The following KCNB2 variants were observed in gnomAD, a reference collection of about 807,000 sequenced individuals.
KCNB2 encodes delayed rectifier potassium channel protein.
In KCNB2, 15 loss-of-function variants were observed where a neutral mutation model predicts 61.5. The ratio of observed to expected loss-of-function variants is 0.24; its 90% confidence interval spans 0.16 to 0.38. The LOEUF is 0.38. Among genes scored for constraint, KCNB2 ranks in the 10% least tolerant of loss-of-function variants. KCNB2 has a pLI of 1.00. For synonymous variants in KCNB2, 457 were observed against 446.0 expected (o/e 1.02, Z -0.31); for missense variants, 828 against 1,125.2 (o/e 0.74, Z 3.78).
At chr8:72,822,594 G>A (rs977199382) in intron 2 of KCNB2, among the ~76,000 whole-genome samples, 21 of 152,024 alleles carry the variant, frequency 1.4e-4, no homozygotes, top group African/African-American at 3.1e-4. Context: ...CTTACCTCTC[G>A]CCACCCTGGC....
At chr8:72,723,160 T>C (rs1037054405) in intron 2 of KCNB2, among the ~76,000 whole-genome samples, 1 of 152,210 alleles carries the variant, frequency 6.6e-6, no homozygotes, top group African/African-American at 2.4e-5. Flanking sequence ...ATGAAATGAT[T>C]AGTTAATTAA....
chr8:72,586,671 A>T (rs917481746), intron 2 of KCNB2, among the ~76,000 whole-genome samples: 7 of 152,352 alleles, frequency 4.6e-5, no homozygotes, highest in Admixed American at 3.3e-4. Flanking sequence ...TTTGAGGATG[A>T]AAAACTAAAG....
chr8:72,546,471 T>C (rs1270596571), intron 1 of KCNB2, among the ~76,000 whole-genome samples: 31 of 150,856 alleles, frequency 2.1e-4, no homozygotes, highest in African/African-American at 7.6e-4. Context: ...GAGCCGAGAT[T>C]GCACCACTGC....
intron 2 of KCNB2, among the ~76,000 whole-genome samples, chr8:72,901,673 A>G (rs1382122212): frequency 1.3e-5 from 2 of 152,190 alleles, no homozygotes; most frequent in African/African-American, 2.4e-5. Context: ...TGCTAGAATT[A>G]ATAGGCTTGT....
intron 2 of KCNB2, among the ~76,000 whole-genome samples, chr8:72,626,238 C>T (rs545922171): frequency 3.7e-4 from 57 of 152,260 alleles, no homozygotes; most frequent in Non-Finnish European, 5.0e-4. Flanking sequence ...CCACAGAATG[C>T]CCAGAATACA....
At chr8:72,702,568 G>C (rs1290100485) in intron 2 of KCNB2, among the ~76,000 whole-genome samples, 2 of 152,162 alleles carry the variant, frequency 1.3e-5, no homozygotes, top group African/African-American at 4.8e-5. Context: ...TTGGAAAGGA[G>C]GGGAGGGCTG....
At chr8:72,660,945 T>C (rs546402096) in intron 2 of KCNB2, 1 of 152,358 alleles carries the variant, frequency 6.6e-6, no homozygotes, top group South Asian at 2.1e-4. Flanking sequence ...CTTTAAGATT[T>C]CTAATTTGAT....
At chr8:72,708,099 C>T (rs1320220226) in intron 2 of KCNB2, among the ~76,000 whole-genome samples, 1 of 152,188 alleles carries the variant, frequency 6.6e-6, no homozygotes, top group Non-Finnish European at 1.5e-5. Flanking sequence ...CAGCCAGTCT[C>T]TCCCCAGCAC....
intron 2 of KCNB2, chr8:72,618,996 T>G (rs1268735926): frequency 3.0e-6 from 1 of 328,202 alleles, no homozygotes; most frequent in South Asian, 2.8e-5. Flanking sequence ...CTCCACTGAC[T>G]TTGTTTTTAG....
intron 2 of KCNB2, among the ~76,000 whole-genome samples, chr8:72,862,782 A>T (rs1387518547): frequency 6.6e-6 from 1 of 152,214 alleles, no homozygotes; most frequent in South Asian, 2.1e-4. Context: ...TTACTTCTCA[A>T]TCCGAAGGCT....
chr8:72,919,628 A>G (rs563544633), intron 2 of KCNB2, among the ~76,000 whole-genome samples: 3 of 152,318 alleles, frequency 2.0e-5, no homozygotes, highest in African/African-American at 7.2e-5. Context: ...GAGTGACCAT[A>G]TGTAGGTCTA....
intron 2 of KCNB2, among the ~76,000 whole-genome samples, chr8:72,569,566 C>T (rs991124713): frequency 4.6e-5 from 7 of 151,850 alleles, no homozygotes; most frequent in African/African-American, 1.2e-4. Context: ...ATGCATATTT[C>T]GTGGGAAATA....
chr8:72,843,185 C>T (rs539338196), intron 2 of KCNB2, among the ~76,000 whole-genome samples: 71 of 152,196 alleles, frequency 4.7e-4, no homozygotes, highest in Admixed American at 5.9e-4. Flanking sequence ...GCCTTAATTT[C>T]GTTATTTACC....
chr8:72,678,384 C>A (rs893161966), intron 2 of KCNB2, among the ~76,000 whole-genome samples: 6 of 152,186 alleles, frequency 3.9e-5, no homozygotes, highest in African/African-American at 1.4e-4. Flanking sequence ...CTCATAGAGT[C>A]CTGCAGGGTC....
At chr8:72,758,624 CT>C (rs1808330660) in intron 2 of KCNB2, among the ~76,000 whole-genome samples, 1 of 152,146 alleles carries the variant, frequency 6.6e-6, no homozygotes, top group South Asian at 2.1e-4. Flanking sequence ...TTACACAAAC[CT>C]CTGAGTCTTC....
At chr8:72,653,079 G>A (rs1265126775) in intron 2 of KCNB2, among the ~76,000 whole-genome samples, 1 of 152,068 alleles carries the variant, frequency 6.6e-6, no homozygotes, top group African/African-American at 2.4e-5. Context: ...CTCTGTGTCT[G>A]TATCCCCTTC....
chr8:72,561,735 C>G (rs5002652), intron 1 of KCNB2, among the ~76,000 whole-genome samples: 2,604 of 21,806 alleles, frequency 0.12, 325 homozygotes, highest in African/African-American at 0.27. Flanking sequence ...ATATCTATAT[C>G]TATATATATA....
rs758297898 is a variant in KCNB2 at position 72,937,352 on chromosome 8, C to T, written c.1997C>T (p.Thr666Met). The T allele has an allele frequency of 1.5e-5, 24 of 1,613,926 alleles. No homozygotes were observed. The highest frequency in any genetic ancestry group is 1.1e-4 in the South Asian group (10 of 91,076). ...AAAGGACCTGCTGCCAGGGATGGCA[C>T]GCTGGAGTATGCCCCAGTTGACATA... ...REKGPAARDGTLEYAPVDITV... is the reference protein window; with the variant it reads ...REKGPAARDGMLEYAPVDITV... Residue 666 changes from threonine to methionine, a missense_variant, in exon 3 of 3, where the codon ACG becomes ATG. Thr to Met is a moderately conservative substitution (Grantham distance 81). Around this residue, in one of 4 missense-constraint regions of KCNB2, gnomAD observed 559 missense variants for 588.4 expected, o/e 0.95. Transcript: ENST00000523207.
chr8:72,659,506 A>G (rs1806345662), intron 2 of KCNB2, among the ~76,000 whole-genome samples: 1 of 152,226 alleles, frequency 6.6e-6, no homozygotes, highest in South Asian at 2.1e-4. Flanking sequence ...ATTAATTCCA[A>G]TTTTGAAAGT....
Sources: allele counts gnomAD v4.1 joint callset (sites outside exome capture counted in the v4.1 genomes callset), GRCh38; gene constraint gnomAD v4.1.1; regional missense constraint gnomAD v4.1.1; transcripts MANE v1.5; gene names NCBI Gene and HGNC (gene_info 2026-07-23, HGNC 2026-07-21).